The following ASIP variants were observed in gnomAD, a reference collection of about 807,000 sequenced individuals.
The protein encoded by ASIP is agouti-signaling protein.
In ASIP, 11 loss-of-function variants were observed where a neutral mutation model predicts 10.3. The ratio of observed to expected loss-of-function variants is 1.07; its 90% confidence interval spans 0.68 to 1.78. The LOEUF (loss-of-function observed/expected upper bound fraction) is 1.78. Ranked by LOEUF, ASIP falls within the 40% of genes most tolerant of loss-of-function variation. The pLI is 0.00. For missense variants in ASIP, 180 were observed against 169.2 expected (o/e 1.06, Z -0.35); for synonymous variants, 70 against 70.8 (o/e 0.99, Z 0.06).
chr20:34,215,539 G>T, intron 1 of ASIP: 1 of 1,513,092 alleles, frequency 6.6e-7, no homozygotes, highest in Non-Finnish European at 9.2e-7. Context: ...GCCACTTAGT[G>T]AGATATTCTG....
At chr20:34,208,926 T>C (rs545456464) in intron 1 of ASIP, among the ~76,000 whole-genome samples, 3 of 152,388 alleles carry the variant, frequency 2.0e-5, no homozygotes, top group South Asian at 2.1e-4. Flanking sequence ...AGTTGAAATA[T>C]AGAAATTCTA....
At chr20:34,241,327 C>A (rs373760160), upstream of ASIP, among the ~76,000 whole-genome samples, 4 of 152,178 alleles carry the variant, frequency 2.6e-5, no homozygotes, top group Non-Finnish European at 4.4e-5. Context: ...TCTGAAAGAA[C>A]CTTCCTGCCT....
intron 1 of ASIP, among the ~76,000 whole-genome samples, chr20:34,198,056 ATTTTTT>A (rs35269112): frequency 7.6e-6 from 1 of 132,364 alleles, no homozygotes; most frequent in Admixed American, 7.5e-5. Flanking sequence ...TGATTGCTTA[ATTTTTT>A]TTTTTTTTTT....
chr20:34,239,338 T>C (rs1450502676), upstream of ASIP, among the ~76,000 whole-genome samples: 1 of 152,004 alleles, frequency 6.6e-6, no homozygotes, highest in African/African-American at 2.4e-5. Flanking sequence ...TGCCTCAGCC[T>C]CCCAAGTAGC....
chr20:34,248,963 CA>C (rs60237416), intron 1 of ASIP, among the ~76,000 whole-genome samples: 3,318 of 129,200 alleles, frequency 0.026, 43 homozygotes, highest in African/African-American at 0.052. Context: ...ACCAAAAATA[CA>C]AAAAAAAAAA....
At chr20:34,208,392 T>A (rs188696005) in intron 1 of ASIP, among the ~76,000 whole-genome samples, 3 of 152,324 alleles carry the variant, frequency 2.0e-5, no homozygotes, top group Admixed American at 2.0e-4. Context: ...TCTCCCTCTG[T>A]CACCCAGGCT....
intron 1 of ASIP, among the ~76,000 whole-genome samples, chr20:34,206,751 G>A (rs1376690134): frequency 6.6e-6 from 1 of 152,048 alleles, no homozygotes; most frequent in Non-Finnish European, 1.5e-5. Context: ...GCTAATTTTT[G>A]TATCTTTAGT....
intron 1 of ASIP, among the ~76,000 whole-genome samples, chr20:34,201,018 T>TTCCTTCCTTCCTTCCC: frequency 3.0e-5 from 2 of 67,636 alleles, no homozygotes; most frequent in Admixed American, 1.6e-4. Flanking sequence ...CCTTCCTTCC[T>TTCCTTCCTTCCTTCCC]TCTTTCTTTC....
intron 1 of ASIP, among the ~76,000 whole-genome samples, chr20:34,222,718 C>CT (rs2035056852): frequency 6.6e-6 from 1 of 151,500 alleles, no homozygotes; most frequent in Admixed American, 6.6e-5. Context: ...GCTGCCATCT[C>CT]GGCTCACTGC....
At chr20:34,220,645 A>G (rs560160963) in intron 1 of ASIP, among the ~76,000 whole-genome samples, 2 of 152,212 alleles carry the variant, frequency 1.3e-5, no homozygotes, top group African/African-American at 2.4e-5. Context: ...CATGGAGAGC[A>G]AGCATTTAAC....
chr20:34,242,709 A>C (rs201568386), intron 1 of ASIP, among the ~76,000 whole-genome samples: 1 of 152,272 alleles, frequency 6.6e-6, no homozygotes, highest in African/African-American at 2.4e-5. Flanking sequence ...TTGCTCAGCT[A>C]TATCTCCTTG....
intron 1 of ASIP, among the ~76,000 whole-genome samples, chr20:34,201,083 T>C (rs1382135852): frequency 6.7e-6 from 1 of 149,882 alleles, no homozygotes; most frequent in Non-Finnish European, 1.5e-5. Context: ...CAGAATGTCT[T>C]ATTTAAAAAG....
intron 3 of ASIP, 77 bp from the exon 4 acceptor site, chr20:34,268,914 G>C (rs1194648388): frequency 6.6e-7 from 1 of 1,525,958 alleles, no homozygotes; most frequent in Non-Finnish European, 8.9e-7. Context: ...TCCCTAGCCC[G>C]AGGAGCTCCC....
chr20:34,247,236 T>G (rs191161883), intron 1 of ASIP, among the ~76,000 whole-genome samples: 72 of 152,156 alleles, frequency 4.7e-4, no homozygotes, highest in Middle Eastern at 3.4e-3. Flanking sequence ...TTGCCTCACA[T>G]GGTCCTCAAT....
chr20:34,257,977 CTACAAAAAA>C (rs1306345517), intron 1 of ASIP, among the ~76,000 whole-genome samples: 1 of 152,030 alleles, frequency 6.6e-6, no homozygotes, highest in Non-Finnish European at 1.5e-5. Context: ...AACCTTGTCT[CTACAAAAAA>C]TACAAAAATT....
upstream of ASIP, among the ~76,000 whole-genome samples, chr20:34,193,036 A>C (rs1165896200): frequency 6.6e-6 from 1 of 152,202 alleles, no homozygotes; most frequent in African/African-American, 2.4e-5. Flanking sequence ...ACCCAACACT[A>C]GATCTTATTC....
chr20:34,257,154 G>A (rs1264052010), intron 1 of ASIP, among the ~76,000 whole-genome samples: 2 of 149,656 alleles, frequency 1.3e-5, no homozygotes, highest in South Asian at 2.1e-4. Context: ...TACGATCTCA[G>A]CTCACTGCAA....
At chr20:34,260,138 T>C (rs2122659183) in intron 1 of ASIP, among the ~76,000 whole-genome samples, 1 of 151,938 alleles carries the variant, frequency 6.6e-6, no homozygotes, top group African/African-American at 2.4e-5. Flanking sequence ...TTTGCTCCAA[T>C]CTCCTTCTGT....
Position 34,269,303 on chromosome 20 carries a change from C to G in ASIP, c.*136C>G. ...CCAGGAGATGGGACTTCAGGGAGACCTGGCTTGGGCTAAAATCGAAATACA... is the reference window on the plus strand; with the variant it reads ...CCAGGAGATGGGACTTCAGGGAGACGTGGCTTGGGCTAAAATCGAAATACA... On this transcript the variant is annotated 3_prime_UTR_variant, in exon 4 of 4. Coordinates refer to ENST00000374954, the MANE Select transcript of ASIP (RefSeq NM_001672.3). 11 of 1,122,252 alleles carry G rather than the reference C, an allele frequency of 9.8e-6. No individual in the cohort carries two copies. Among genetic ancestry groups the G allele is most frequent in the Non-Finnish European group, 1.3e-5 (11 of 828,768 alleles). The allele number at this position is 1,122,252 out of a possible 1,614,324, so 69.5% of individuals were successfully genotyped here. A position where few individuals can be genotyped will look rare whatever the true frequency, so the allele number is the denominator to read the frequency against.
Sources: gnomAD v4.1 joint callset for allele counts (sites outside exome capture counted in the v4.1 genomes callset) on GRCh38, gnomAD v4.1.1 for gene constraint, MANE v1.5 for transcripts, NCBI Gene and HGNC (gene_info 2026-07-23, HGNC 2026-07-21) for gene names.